Variants in PDE10A observed in about 807,000 individuals in gnomAD.
PDE10A encodes the protein cAMP and cAMP-inhibited cGMP 3',5'-cyclic phosphodiesterase 10A.
A neutral mutation model predicts 97.7 loss-of-function variants in PDE10A; 39 were observed. That is an observed-to-expected ratio of 0.40 (90% CI 0.31 to 0.52). PDE10A has a LOEUF of 0.52. PDE10A is among the 20% of genes least tolerant of loss of function. The probability of loss-of-function intolerance (pLI) is 0.56; values close to 1 mark genes in which losing one functional copy is unlikely to be tolerated. For missense variants in PDE10A, 731 were observed against 1,047.8 expected, an observed-to-expected ratio of 0.70 and a Z score of 4.17; for synonymous variants, 371 against 376.8, an observed-to-expected ratio of 0.98 and a Z score of 0.18.
chr6:165,527,619 G>T (rs572911724), intron 2 of PDE10A, among the ~76,000 whole-genome samples: 5 of 152,314 alleles, frequency 3.3e-5, no homozygotes, highest in South Asian at 2.1e-4. Flanking sequence ...GACCTGAACT[G>T]CCCATCATGA....
At position 165,691,195 on chromosome 6, in the gene PDE10A, CT is replaced by C. The variant is rs1422953550; in HGVS notation, c.-614-147628del. 5.3e-4 allele frequency among the ~76,000 whole-genome samples: 31 copies of C among 58,360 alleles called. 1 individual carries two copies. Among genetic ancestry groups the C allele is most frequent in the Admixed American group, 3.9e-3 (27 of 7,002 alleles). 38.3% of individuals were successfully genotyped at this position (58,360 alleles called of 152,430 possible). On this transcript the variant is annotated intron_variant, in intron 1 of 19. Coordinates refer to the PDE10A transcript ENST00000366882. Reference sequence around the variant, plus strand: ...TTTCTCTCTCTCTCTCTCCCTCTCTCTCTCTCCCCACACACACACACACACA... The same window carrying C: ...TTTCTCTCTCTCTCTCTCCCTCTCTCCTCTCCCCACACACACACACACACA...
Position 165,405,638 on chromosome 6 carries a change from C to T in PDE10A, c.2076+7863G>A, listed in dbSNP as rs78559407. On this transcript the variant is annotated intron_variant, in intron 13 of 21. Transcript: ENST00000539869. ...CGTTTATCTGTTGAGGGAACTAAGG[C>T]TCAAGAACATAAGCTGACTTCCCCA... Among the ~76,000 whole-genome samples the T allele has an allele frequency of 5.2e-3, 789 of 152,254 alleles. 29 individuals carry two copies. The East Asian group carries it at 0.092, about 18-fold the overall frequency.
chr6:165,560,536 C>T (rs897478110), intron 1 of PDE10A, among the ~76,000 whole-genome samples: 1 of 152,196 alleles, frequency 6.6e-6, no homozygotes, highest in Non-Finnish European at 1.5e-5. Flanking sequence ...GTTTAAGTCA[C>T]TAAATTTGTG....
At chr6:165,937,291 C>G (rs1002286234) in intron 1 of PDE10A, among the ~76,000 whole-genome samples, 1 of 150,962 alleles carries the variant, frequency 6.6e-6, no homozygotes, top group Admixed American at 6.6e-5. Flanking sequence ...TACTTTTTTC[C>G]CCCAAAGTAC....
intron 1 of PDE10A, among the ~76,000 whole-genome samples, chr6:165,817,026 A>AAAGGATGTCC (rs1368797045): frequency 1.3e-5 from 2 of 152,160 alleles, no homozygotes; most frequent in African/African-American, 4.8e-5. Context: ...AGGGGGAAGA[A>AAAGGATGTCC]AAGGATGTCC....
intron 5 of PDE10A, among the ~76,000 whole-genome samples, chr6:165,448,315 T>C (rs1791014629): frequency 6.6e-6 from 1 of 152,214 alleles, no homozygotes; most frequent in East Asian, 1.9e-4. Flanking sequence ...GAAATACTTT[T>C]GAAAGTGCCT....
chr6:165,701,647 A>ATATGTG (rs371785308), intron 1 of PDE10A, among the ~76,000 whole-genome samples: 2 of 149,572 alleles, frequency 1.3e-5, no homozygotes, highest in Non-Finnish European at 1.5e-5. Context: ...CTCTTCATGT[A>ATATGTG]TGTGTGTGTG....
At chr6:165,409,888 GTTT>G (rs58019647) in intron 13 of PDE10A, among the ~76,000 whole-genome samples, 3 of 140,518 alleles carry the variant, frequency 2.1e-5, no homozygotes, top group Non-Finnish European at 3.1e-5. Flanking sequence ...CTTTTCAGAA[GTTT>G]TTTTTTTTTT....
intron 1 of PDE10A, among the ~76,000 whole-genome samples, chr6:165,951,197 T>A (rs1783946912): frequency 6.6e-6 from 1 of 152,170 alleles, no homozygotes; most frequent in African/African-American, 2.4e-5. Flanking sequence ...ATTTGCCAGT[T>A]CTGTAAAGTA....
At chr6:165,559,193 A>C (rs142638736) in intron 1 of PDE10A, among the ~76,000 whole-genome samples, 1 of 152,266 alleles carries the variant, frequency 6.6e-6, no homozygotes, top group Non-Finnish European at 1.5e-5. Flanking sequence ...GGAAAAGAAA[A>C]TTGTTTTGGT....
At chr6:165,690,358 T>C (rs963726292) in intron 1 of PDE10A, among the ~76,000 whole-genome samples, 2 of 152,230 alleles carry the variant, frequency 1.3e-5, no homozygotes, top group African/African-American at 4.8e-5. Context: ...ATCACCTTTC[T>C]TCTGGTACAT....
chr6:165,640,309 A>AT (rs1342361258), intron 1 of PDE10A, among the ~76,000 whole-genome samples: 2 of 152,008 alleles, frequency 1.3e-5, no homozygotes, highest in Admixed American at 6.6e-5. Flanking sequence ...ACATATTAAA[A>AT]TTTTTTTTAC....
chr6:165,885,341 C>T (rs943735954), intron 1 of PDE10A, among the ~76,000 whole-genome samples: 2 of 152,088 alleles, frequency 1.3e-5, no homozygotes, highest in Non-Finnish European at 2.9e-5. Context: ...GTGGCAGAAG[C>T]GAGAGAGAAG....
At chr6:165,464,232 AT>A (rs1362497918) in intron 3 of PDE10A, among the ~76,000 whole-genome samples, 1 of 152,190 alleles carries the variant, frequency 6.6e-6, no homozygotes, top group Non-Finnish European at 1.5e-5. Flanking sequence ...GTGTAAGCTG[AT>A]AATTGTCATT....
chr6:165,353,054 A>AT (rs1199456877), intron 18 of PDE10A, among the ~76,000 whole-genome samples: 1 of 152,218 alleles, frequency 6.6e-6, no homozygotes, highest in Non-Finnish European at 1.5e-5. Flanking sequence ...CCTCACTAAA[A>AT]ATATATATAA....
In PDE10A at chr6:165,775,935, T is replaced by G. The variant is rs144004909; in HGVS notation, c.-615+211594A>C. 1.7e-3 allele frequency among the ~76,000 whole-genome samples: 259 copies of G among 152,348 alleles called. 1 individual carries two copies. The highest frequency in any genetic ancestry group is 5.8e-3 in the African/African-American group (243 of 41,582). Reference sequence around the variant, plus strand: ...GAATTACTTCCAGAAACGGATTGTTTCGTATTCTTATGGAATTCAACTTGA... The same window carrying G: ...GAATTACTTCCAGAAACGGATTGTTGCGTATTCTTATGGAATTCAACTTGA... On this transcript the variant is annotated intron_variant, in intron 1 of 19. Transcript: ENST00000366882.
chr6:165,368,356 T>C (rs537609937), intron 18 of PDE10A, among the ~76,000 whole-genome samples: 25 of 152,286 alleles, frequency 1.6e-4, no homozygotes, highest in Non-Finnish European at 3.1e-4. Context: ...TAGCAACCTA[T>C]GTGGGGTGTA....
At chr6:165,494,196 G>C (rs2128289970) in intron 2 of PDE10A, among the ~76,000 whole-genome samples, 1 of 152,130 alleles carries the variant, frequency 6.6e-6, no homozygotes, top group Non-Finnish European at 1.5e-5. Flanking sequence ...GTGGTGGAAA[G>C]GGAATACTCT....
At chr6:165,976,482 G>T (rs928403656) in intron 1 of PDE10A, among the ~76,000 whole-genome samples, 1 of 152,106 alleles carries the variant, frequency 6.6e-6, no homozygotes, top group Non-Finnish European at 1.5e-5. Context: ...CTAACCCTTG[G>T]GGTAGGGTGA....
Sources: gnomAD v4.1 joint callset for allele counts (sites outside exome capture counted in the v4.1 genomes callset) on GRCh38, gnomAD v4.1.1 for gene constraint, MANE v1.5 for transcripts, NCBI Gene and HGNC (gene_info 2026-07-23, HGNC 2026-07-21) for gene names.